Variants in CDH11 observed in about 807,000 individuals in gnomAD.
CDH11 encodes cadherin 11.
A neutral mutation model predicts 67.8 loss-of-function variants in CDH11; 11 were observed. That is an observed-to-expected ratio of 0.16 (90% CI 0.10 to 0.27). CDH11 has a LOEUF of 0.27. Ranked by LOEUF, CDH11 falls within the 10% of genes least tolerant of loss-of-function variation. CDH11 has a pLI of 1.00. For synonymous variants in CDH11, 419 were observed against 400.0 expected, an observed-to-expected ratio of 1.05 and a Z score of -0.57; for missense variants, 847 against 1,031.2, an observed-to-expected ratio of 0.82 and a Z score of 2.45.
chr16:64,971,860 T>A, intron 10 of CDH11, 71 bp downstream of exon 10: 1 of 1,548,064 alleles, frequency 6.5e-7, no homozygotes, highest in Non-Finnish European at 8.9e-7. Context: ...TATCTCCAAG[T>A]GATGGTTTAA....
chr16:65,082,339 C>T (rs1407061608), intron 1 of CDH11, among the ~76,000 whole-genome samples: 2 of 152,148 alleles, frequency 1.3e-5, no homozygotes, highest in Non-Finnish European at 2.9e-5. Flanking sequence ...CTGGGTGGCC[C>T]AGTGAGCCCC....
chr16:64,974,909 A>C (rs1178656620), intron 8 of CDH11, among the ~76,000 whole-genome samples: 1 of 152,252 alleles, frequency 6.6e-6, no homozygotes, highest in East Asian at 1.9e-4. Context: ...ATAATCTGCT[A>C]CATATAAGCT....
chr16:65,120,584 G>A (rs1175509999), intron 1 of CDH11, among the ~76,000 whole-genome samples: 1 of 152,160 alleles, frequency 6.6e-6, no homozygotes, highest in East Asian at 1.9e-4. Flanking sequence ...CGGGTTTCAA[G>A]AACAACCCCC....
intron 11 of CDH11, among the ~76,000 whole-genome samples, chr16:64,960,141 T>A (rs918020722): frequency 6.6e-6 from 1 of 152,150 alleles, no homozygotes; most frequent in Non-Finnish European, 1.5e-5. Flanking sequence ...GTCTCCAATA[T>A]AATTTTGTGG....
intron 1 of CDH11, among the ~76,000 whole-genome samples, chr16:65,075,294 G>A (rs1257787747): frequency 6.6e-6 from 1 of 152,214 alleles, no homozygotes. Flanking sequence ...GAGCCACTCA[G>A]GCAGAGGATT....
intron 1 of CDH11, among the ~76,000 whole-genome samples, chr16:65,083,548 A>C (rs1463103033): frequency 6.6e-6 from 1 of 152,366 alleles, no homozygotes; most frequent in East Asian, 1.9e-4. Flanking sequence ...CTGGAAAAAC[A>C]ATGGGCCAAC....
intron 12 of CDH11, 147 bp from the exon 13 acceptor site, chr16:64,948,246 C>A: frequency 9.3e-7 from 1 of 1,079,498 alleles, no homozygotes; most frequent in Non-Finnish European, 1.3e-6. Context: ...TGCCTGGAAT[C>A]CCTAAGGATG....
In CDH11 at chr16:64,992,926, T is replaced by C. The variant is rs1236798565; in HGVS notation, c.632A>G (p.Glu211Gly). Residue 211 changes from glutamate to glycine, a missense_variant, in exon 5 of 13, where the codon GAA (glutamate) becomes GGA (glycine). Physicochemically the swap from Glu to Gly is moderately conservative, Grantham distance 98. Around this residue, in one of 2 missense-constraint regions of CDH11, gnomAD observed 235 missense variants for 352.5 expected, o/e 0.67. Transcript: ENST00000268603. The part of the protein sequence containing the change: ...ILEGQPYFSV[E>G]AQTGIIRTAL... ...ACATTCCACAGTACCTGTCTGTGCT[T>C]CCACCGAAAAATAGGGTTGTCCTTC... 1 of 1,613,670 alleles carries C rather than the reference T, an allele frequency of 6.2e-7. No homozygotes were observed. Among genetic ancestry groups the C allele is most frequent in the Non-Finnish European group, 8.5e-7 (1 of 1,179,670 alleles).
intron 1 of CDH11, among the ~76,000 whole-genome samples, chr16:65,120,249 A>C (rs1338080529): frequency 6.6e-6 from 1 of 152,196 alleles, no homozygotes; most frequent in Non-Finnish European, 1.5e-5. Flanking sequence ...CTCAGAGCCC[A>C]GCCTGGCAAA....
At chr16:65,060,292 A>T (rs1371135856) in intron 1 of CDH11, among the ~76,000 whole-genome samples, 1 of 152,030 alleles carries the variant, frequency 6.6e-6, no homozygotes, top group African/African-American at 2.4e-5. Context: ...GAAGAATAAA[A>T]GTTAGAATAA....
intron 2 of CDH11, among the ~76,000 whole-genome samples, chr16:65,049,019 A>G (rs1023940003): frequency 1.3e-5 from 2 of 152,186 alleles, no homozygotes; most frequent in African/African-American, 4.8e-5. Flanking sequence ...ACATAGATAT[A>G]AAGATGGCAA....
intron 3 of CDH11, among the ~76,000 whole-genome samples, chr16:65,000,560 G>A (rs142252242): frequency 8.5e-5 from 13 of 152,278 alleles, no homozygotes; most frequent in African/African-American, 3.1e-4. Flanking sequence ...ACTTTGGGAC[G>A]CTGAGGCAGG....
At chr16:65,099,656 A>G (rs76748865) in intron 1 of CDH11, among the ~76,000 whole-genome samples, 2,101 of 152,286 alleles carry the variant, frequency 0.014, 18 homozygotes, top group Non-Finnish European at 0.021. Flanking sequence ...ACTTGATTAG[A>G]CCCAGAAAAG....
intron 11 of CDH11, among the ~76,000 whole-genome samples, chr16:64,951,497 C>T (rs2071360186): frequency 6.6e-6 from 1 of 151,912 alleles, no homozygotes; most frequent in South Asian, 2.1e-4. Context: ...TACGTTTTCT[C>T]ACCGAAAATG....
intron 2 of CDH11, among the ~76,000 whole-genome samples, chr16:65,010,909 T>A: frequency 6.6e-6 from 1 of 150,602 alleles, no homozygotes; most frequent in East Asian, 2.0e-4. Flanking sequence ...TTGGTACATA[T>A]TATTTTATTG....
At chr16:64,951,062 T>C (rs118105117) in intron 11 of CDH11, 44 bp from the exon 12 acceptor site, 23,152 of 1,588,512 alleles carry the variant, frequency 0.015, 225 homozygotes, top group Non-Finnish European at 0.017. Flanking sequence ...GTCAAGACCA[T>C]TGGAATCACA....
intron 8 of CDH11, among the ~76,000 whole-genome samples, chr16:64,980,432 A>G (rs1402723519): frequency 6.6e-6 from 1 of 152,110 alleles, no homozygotes; most frequent in Admixed American, 6.6e-5. Flanking sequence ...GGGAGGAGCA[A>G]GAGGAAGGAC....
intron 4 of CDH11, among the ~76,000 whole-genome samples, chr16:64,998,036 T>G (rs1200426405): frequency 6.6e-6 from 1 of 152,224 alleles, no homozygotes. Flanking sequence ...TAAAAAATTA[T>G]CCTTTAGCAA....
chr16:65,059,619 A>T lies in CDH11; in HGVS notation c.-297-5691T>A, dbSNP rs1472499422. 2.0e-5 allele frequency: 3 copies of T among 152,162 alleles called. No homozygotes were observed. The East Asian group carries it at 5.8e-4, about 29-fold the overall frequency. 9.4% of individuals were successfully genotyped at this position (152,162 alleles called of 1,614,324 possible). ...GACTAGAGGCCTTGAAAAGCCGGGG[A>T]GCAGGATCTCACAGCTCTTTCCCTG... On this transcript the variant is annotated intron_variant, in intron 1 of 12. Transcript: ENST00000268603.
Sources: allele counts gnomAD v4.1 joint callset (sites outside exome capture counted in the v4.1 genomes callset), GRCh38; gene constraint gnomAD v4.1.1; regional missense constraint gnomAD v4.1.1; transcripts MANE v1.5; gene names NCBI Gene and HGNC (gene_info 2026-07-23, HGNC 2026-07-21).